UBAP2: variants seen among roughly 807,000 people sequenced by gnomAD.
UBAP2 encodes the protein ubiquitin-associated protein 2.
Under a neutral mutation model 139.6 loss-of-function variants are expected in UBAP2, and 75 were observed. That is an observed-to-expected ratio of 0.54 (90% confidence interval 0.45 to 0.65). The LOEUF (loss-of-function observed/expected upper bound fraction) is 0.65, where lower values mean the gene tolerates loss of function less well. UBAP2 is among the 30% of genes least tolerant of loss of function. The pLI is 0.00. For missense variants in UBAP2, 1,368 were observed against 1,369.6 expected, an observed-to-expected ratio of 1.00 and a Z score of 0.02; for synonymous variants, 526 against 526.2, an observed-to-expected ratio of 1.00 and a Z score of 0.01.
rs977113153 is a variant in UBAP2 at position 33,938,201 on chromosome 9, C to T, written c.1930-2323G>A. On this transcript the variant is annotated intron_variant, in intron 16 of 28. Coordinates refer to ENST00000379238, the MANE Select transcript of UBAP2 (RefSeq NM_001370062.2). Reference sequence around the variant, plus strand: ...TAGAGGCAGGGTCTCATCATGTTGTCCAGTCTGGTTGTGAACTCCTGGGCT... The same window carrying T: ...TAGAGGCAGGGTCTCATCATGTTGTTCAGTCTGGTTGTGAACTCCTGGGCT... Among the ~76,000 whole-genome samples, 4 of 152,000 alleles carry T rather than the reference C, an allele frequency of 2.6e-5. No homozygotes were observed. The South Asian group carries it at 8.3e-4, about 31-fold the overall frequency.
intron 5 of UBAP2, among the ~76,000 whole-genome samples, chr9:33,988,222 C>T (rs185057156): frequency 6.6e-5 from 10 of 152,080 alleles, no homozygotes; most frequent in Admixed American, 5.9e-4. Flanking sequence ...TTTAGAAAGG[C>T]AAAGATTTTA....
intron 6 of UBAP2, among the ~76,000 whole-genome samples, chr9:33,986,305 A>G (rs1056906134): frequency 6.6e-6 from 1 of 152,146 alleles, no homozygotes; most frequent in African/African-American, 2.4e-5. Context: ...AATGTTCAAC[A>G]GTAGAGTAAG....
intron 19 of UBAP2, chr9:33,928,222 C>G (rs1446699114): frequency 2.1e-6 from 1 of 468,976 alleles, no homozygotes; most frequent in Non-Finnish European, 3.7e-6. Context: ...AACATCAAAA[C>G]TATTAACATT....
intron 2 of UBAP2, among the ~76,000 whole-genome samples, chr9:34,007,589 C>T (rs560896532): frequency 4.6e-5 from 7 of 150,978 alleles, no homozygotes; most frequent in African/African-American, 1.5e-4. Flanking sequence ...TTTTCACATA[C>T]ATTTTTCAGC....
intron 1 of UBAP2, among the ~76,000 whole-genome samples, chr9:34,018,005 G>C (rs1360769950): frequency 6.6e-6 from 1 of 151,814 alleles, no homozygotes; most frequent in African/African-American, 2.4e-5. Context: ...TAAGTGTCAA[G>C]CACATAATTA....
intron 12 of UBAP2, among the ~76,000 whole-genome samples, chr9:33,951,878 C>T (rs1044592443): frequency 6.6e-6 from 1 of 152,008 alleles, no homozygotes; most frequent in Non-Finnish European, 1.5e-5. Flanking sequence ...GAGGGAAAGG[C>T]GGAGGAGGAA....
At chr9:33,973,007 T>A (rs186768909) in intron 7 of UBAP2, among the ~76,000 whole-genome samples, 176 bp downstream of exon 7, 1 of 152,220 alleles carries the variant, frequency 6.6e-6, no homozygotes, top group Non-Finnish European at 1.5e-5. Flanking sequence ...CCTGCTCTAA[T>A]GCCTGTTTAA....
At chr9:33,950,182 C>T (rs1825984015) in intron 12 of UBAP2, among the ~76,000 whole-genome samples, 1 of 152,182 alleles carries the variant, frequency 6.6e-6, no homozygotes, top group Non-Finnish European at 1.5e-5. Context: ...TCTCCTGCCT[C>T]AGCCTCCCGA....
At chr9:34,025,639 A>G (rs990152579) in intron 1 of UBAP2, among the ~76,000 whole-genome samples, 9 of 152,234 alleles carry the variant, frequency 5.9e-5, no homozygotes, top group Admixed American at 3.9e-4. Context: ...GAGGAAAGAA[A>G]GTCTCCGGCC....
intron 24 of UBAP2, 74 bp from the exon 25 acceptor site, chr9:33,923,552 C>A: frequency 2.1e-6 from 3 of 1,443,938 alleles, no homozygotes; most frequent in Non-Finnish European, 2.9e-6. Flanking sequence ...CCTGCCAGAG[C>A]CTAAGGCAGC....
At chr9:33,987,959 G>A (rs143621315) in intron 5 of UBAP2, among the ~76,000 whole-genome samples, 1,762 of 152,162 alleles carry the variant, frequency 0.012, 13 homozygotes, top group Non-Finnish European at 0.018. Context: ...GGCATTAATA[G>A]CTCTACATAA....
intron 6 of UBAP2, among the ~76,000 whole-genome samples, chr9:33,984,972 G>A (rs867753040): frequency 6.6e-6 from 1 of 152,130 alleles, no homozygotes; most frequent in African/African-American, 2.4e-5. Context: ...AACAGATGCT[G>A]GTGAAGATAC....
At chr9:33,955,812 A>G (rs1369161824) in intron 11 of UBAP2, among the ~76,000 whole-genome samples, 1 of 151,510 alleles carries the variant, frequency 6.6e-6, no homozygotes, top group Non-Finnish European at 1.5e-5. Flanking sequence ...GGGCAACAAG[A>G]GCAAAACTAC....
chr9:34,039,635 AACAG>A (rs1218487856), intron 1 of UBAP2, among the ~76,000 whole-genome samples: 6 of 151,976 alleles, frequency 3.9e-5, no homozygotes, highest in African/African-American at 1.5e-4. Flanking sequence ...TGCTTTGTTA[AACAG>A]ATGCTTGAAG....
intron 6 of UBAP2, among the ~76,000 whole-genome samples, chr9:33,979,778 G>C (rs1820474932): frequency 6.6e-6 from 1 of 152,054 alleles, no homozygotes; most frequent in Non-Finnish European, 1.5e-5. Context: ...TGAGGCAGGA[G>C]AATTGCTTGA....
intron 10 of UBAP2, among the ~76,000 whole-genome samples, chr9:33,959,104 T>C (rs964803540): frequency 1.3e-5 from 2 of 151,650 alleles, no homozygotes; most frequent in Non-Finnish European, 2.9e-5. Flanking sequence ...GCCAAGATCG[T>C]GCCTCTGCAC....
intron 17 of UBAP2, 148 bp downstream of exon 17, chr9:33,935,691 C>T (rs201349651): frequency 6.0e-6 from 5 of 838,886 alleles, no homozygotes; most frequent in Admixed American, 4.0e-5. Context: ...CCACAGCCAA[C>T]ACCTGGTCCA....
chr9:34,041,298 C>A (rs1036737862), intron 1 of UBAP2, among the ~76,000 whole-genome samples: 97 of 134,196 alleles, frequency 7.2e-4, no homozygotes, highest in Middle Eastern at 3.7e-3. Context: ...ACTAAAAATG[C>A]AAAAAAAAAA....
intron 17 of UBAP2, among the ~76,000 whole-genome samples, chr9:33,935,167 G>T (rs1052538188): frequency 7.0e-6 from 1 of 143,120 alleles, no homozygotes; most frequent in Non-Finnish European, 1.6e-5. Flanking sequence ...AAGTGGCGGG[G>T]GGGGGGGGTC....
Sources: gnomAD v4.1 joint callset for allele counts (sites outside exome capture counted in the v4.1 genomes callset) on GRCh38, gnomAD v4.1.1 for gene constraint, MANE v1.5 for transcripts, NCBI Gene and HGNC (gene_info 2026-07-23, HGNC 2026-07-21) for gene names.